Variants in RILPL1 observed in about 807,000 individuals in gnomAD.
The protein encoded by RILPL1 is RILP-like protein 1.
A neutral mutation model predicts 50.3 loss-of-function variants in RILPL1; 33 were observed. The observed-to-expected ratio is 0.66, with a 90% CI of 0.50 to 0.88. RILPL1 has a LOEUF of 0.88. RILPL1 is among the 40% of genes least tolerant of loss of function. The probability of loss-of-function intolerance (pLI) is 0.00; values close to 1 mark genes in which losing one functional copy is unlikely to be tolerated. For synonymous variants in RILPL1, 205 were observed against 228.6 expected (o/e 0.90, Z 0.93); for missense variants, 418 against 542.5 (o/e 0.77, Z 2.28).
Position 123,499,447 on chromosome 12 carries a change from G to T in RILPL1, c.550C>A (p.Leu184Met), listed in dbSNP as rs11497309. The change falls in exon 3 of 7, where the codon CTG becomes ATG. Residue 184 changes from leucine (L) to methionine (M), a missense_variant. By Grantham distance (15) the Leu-to-Met change is conservative. Transcript: ENST00000376874. ...TCAACGTCCTCATTTTTCAGGCCCA[G>T]CTCCCTGTCCTTGGCGCGGATCTCG... The part of the protein sequence containing the change: ...RDEIRAKDRE[L>M]GLKNEDVEAL... 1.3e-5 allele frequency: 21 copies of T among 1,613,812 alleles called. No homozygotes were observed. The highest frequency in any genetic ancestry group is 1.7e-5 in the Non-Finnish European group (20 of 1,179,780).
chr12:123,487,549 C>T (rs1488602145), intron 4 of RILPL1, among the ~76,000 whole-genome samples: 5 of 152,188 alleles, frequency 3.3e-5, no homozygotes, highest in Non-Finnish European at 5.9e-5. Context: ...TCAGGTGATC[C>T]ACCCACCTCA....
At position 123,491,633 on chromosome 12, in the gene RILPL1, GC is replaced by G. The variant is rs1882692212; in HGVS notation, c.802-5829del. On this transcript the variant is annotated intron_variant, in intron 4 of 6. Coordinates refer to ENST00000376874, the MANE Select transcript of RILPL1 (RefSeq NM_178314.5). The surrounding 1 kb of genome is among the most constrained non-coding windows in gnomAD (Gnocchi z 4.0). Reference sequence around the variant, plus strand: ...TAAATTCAATGCATAAATTCTGCCCGCCTTTCAGCCAGCATACGCCTGTCTG... The same window carrying G: ...TAAATTCAATGCATAAATTCTGCCCGCTTTCAGCCAGCATACGCCTGTCTG... 6.6e-6 allele frequency among the ~76,000 whole-genome samples: 1 copy of G among 152,200 alleles called. No individual in the cohort carries two copies.
At chr12:123,524,659 A>G (rs1213017637) in intron 1 of RILPL1, among the ~76,000 whole-genome samples, 1 of 152,234 alleles carries the variant, frequency 6.6e-6, no homozygotes, top group Admixed American at 6.5e-5. Flanking sequence ...CATTATGGAA[A>G]GAAGCCAGAC....
At chr12:123,526,200 G>A (rs756126559) in intron 1 of RILPL1, among the ~76,000 whole-genome samples, 37 of 152,026 alleles carry the variant, frequency 2.4e-4, no homozygotes, top group Non-Finnish European at 2.4e-4. Flanking sequence ...CCGCTACTTG[G>A]GAAGCTGAGC....
At position 123,509,141 on chromosome 12, in the gene RILPL1, C is replaced by CAACA. The variant is rs142348336; in HGVS notation, c.461-9609_461-9606dup. 2.6e-4 allele frequency among the ~76,000 whole-genome samples: 39 copies of CAACA among 151,240 alleles called. 1 individual carries two copies. The highest frequency in any genetic ancestry group is 3.5e-3 in the Middle Eastern group (1 of 286). On this transcript the variant is annotated intron_variant, in intron 2 of 6. Transcript: ENST00000376874. Reference sequence around the variant, plus strand: ...AGGAGAGTGAGACTCCGTCTCAAAACAACAAACAAACAAACAAACAAACAA... The same window carrying CAACA: ...AGGAGAGTGAGACTCCGTCTCAAAACAACAAACAAACAAACAAACAAACAAACAA...
chr12:123,491,182 C>A lies in RILPL1; in HGVS notation c.802-5377G>T, dbSNP rs1217013187. On this transcript the variant is annotated intron_variant, in intron 4 of 6. Coordinates refer to ENST00000376874, the MANE Select transcript of RILPL1 (RefSeq NM_178314.5). The surrounding 1 kb of genome is among the most constrained non-coding windows in gnomAD (Gnocchi z 4.0). ...CTATCCGGTTCAGACTGGGAGGGAC[C>A]AAGGAGGCTCTTTCCAAGATGGCAA... 1.3e-5 allele frequency among the ~76,000 whole-genome samples: 2 copies of A among 152,196 alleles called. No homozygotes were observed. Among genetic ancestry groups the A allele is most frequent in the Non-Finnish European group, 1.5e-5 (1 of 68,038 alleles).
chr12:123,523,381 T>C (rs1593605620), intron 2 of RILPL1, 114 bp downstream of exon 2: 3 of 1,248,696 alleles, frequency 2.4e-6, no homozygotes, highest in Non-Finnish European at 2.3e-6. Context: ...GCAAAGGGCT[T>C]TGGGAATCAG....
chr12:123,523,854 T>C (rs1885156632), intron 1 of RILPL1, among the ~76,000 whole-genome samples: 1 of 152,240 alleles, frequency 6.6e-6, no homozygotes, highest in Admixed American at 6.5e-5. Context: ...CCTGCGTTTA[T>C]GCTGTTAGGA....
intron 1 of RILPL1, among the ~76,000 whole-genome samples, chr12:123,528,975 G>C (rs1885360006): frequency 1.3e-5 from 2 of 151,968 alleles, no homozygotes; most frequent in South Asian, 4.2e-4. Flanking sequence ...CCTCATCTGA[G>C]CCTACAAGCC....
rs1406420378 is a variant in RILPL1, at chr12:123,470,828, T to A, written c.*1710A>T. On this transcript the variant is annotated 3_prime_UTR_variant, in exon 7 of 7. Coordinates refer to ENST00000376874, the MANE Select transcript of RILPL1 (RefSeq NM_178314.5). ...TGTTTAGGAAAGATAACCAAGAAAC[T>A]GGCAATTTTGGTTACCTGTTGGAAG... The A allele has an allele frequency of 6.6e-6, 1 of 152,092 alleles. No homozygotes were observed. The highest frequency in any genetic ancestry group is 6.6e-5 in the Admixed American group (1 of 15,248). 9.4% of individuals were successfully genotyped at this position (152,092 alleles called of 1,614,324 possible).
At position 123,472,569 on chromosome 12, in the gene RILPL1, T is replaced by G; in HGVS notation, c.1181A>C (p.Glu394Ala). 1 of 1,553,756 alleles carries G rather than the reference T, an allele frequency of 6.4e-7. No individual in the cohort carries two copies. The highest frequency in any genetic ancestry group is 8.7e-7 in the Non-Finnish European group (1 of 1,148,064). ...ANTHRDDGYT[E>A]QGQEALQHL Reference sequence around the variant, plus strand: ...ATGCTGCAGGGCTTCCTGTCCTTGCTCTGTGTAACCGTCATCGCGGTGGGT... The same window carrying G: ...ATGCTGCAGGGCTTCCTGTCCTTGCGCTGTGTAACCGTCATCGCGGTGGGT... The change falls in exon 7 of 7, where the codon GAG becomes GCG. Residue 394 changes from glutamate to alanine, a missense_variant. Physicochemically the swap from Glu to Ala is moderately radical, Grantham distance 107 (BLOSUM62 -1). Coordinates refer to ENST00000376874, the MANE Select transcript of RILPL1 (RefSeq NM_178314.5).
intron 2 of RILPL1, among the ~76,000 whole-genome samples, chr12:123,501,610 A>G (rs1470125684): frequency 6.6e-6 from 1 of 150,844 alleles, no homozygotes; most frequent in Non-Finnish European, 1.5e-5. Context: ...AAATACAAAA[A>G]TTAGCTAGCC....
intron 1 of RILPL1, among the ~76,000 whole-genome samples, chr12:123,532,449 C>A (rs1885466721): frequency 6.6e-6 from 1 of 152,140 alleles, no homozygotes; most frequent in African/African-American, 2.4e-5. Flanking sequence ...GACACGGGGG[C>A]TGGGACTCTC....
intron 6 of RILPL1, chr12:123,472,958 T>C (rs2139299957): frequency 2.8e-6 from 1 of 361,646 alleles, no homozygotes; most frequent in South Asian, 3.8e-5. Flanking sequence ...TTAGCCGCTA[T>C]GGAGGATTTA....
At chr12:123,473,873 C>T (rs988403146) in intron 6 of RILPL1, 2 of 151,550 alleles carry the variant, frequency 1.3e-5, no homozygotes, top group African/African-American at 4.8e-5. Flanking sequence ...AAAAAGCCTG[C>T]AAGGTAGTCC....
rs1342508247 is a variant in RILPL1, at chr12:123,491,998, C to A, written c.802-6193G>T. ...CTCCAGCCTGGGTGATGGAGTGAGA[C>A]CCTGACTCAAAATAAATAAATAAAT... On this transcript the variant is annotated intron_variant, in intron 4 of 6. Coordinates refer to ENST00000376874, the MANE Select transcript of RILPL1 (RefSeq NM_178314.5). This position sits in a 1 kb window ranked among gnomAD's most constrained non-coding sequence, Gnocchi z 4.0. Among the ~76,000 whole-genome samples, 3 of 151,622 alleles carry A rather than the reference C, an allele frequency of 2.0e-5. No homozygotes were observed. The highest frequency in any genetic ancestry group is 4.4e-5 in the Non-Finnish European group (3 of 67,986).
chr12:123,485,944 C>T lies in RILPL1; in HGVS notation c.802-139G>A, dbSNP rs966237701. The T allele has an allele frequency of 3.3e-5, 26 of 799,712 alleles. No homozygotes were observed. Among genetic ancestry groups the T allele is most frequent in the South Asian group, 1.4e-4 (7 of 48,930 alleles). 49.5% of individuals were successfully genotyped at this position (799,712 alleles called of 1,614,324 possible). Reference sequence around the variant, plus strand: ...GGGTGCTATTTTCAGCACTCGCAGGCGGCCCTTGCTCACGTTCTGTACAGT... The same window carrying T: ...GGGTGCTATTTTCAGCACTCGCAGGTGGCCCTTGCTCACGTTCTGTACAGT... On this transcript the variant is annotated intron_variant, in intron 4 of 6. Coordinates refer to ENST00000376874, the MANE Select transcript of RILPL1 (RefSeq NM_178314.5). This position sits in a 1 kb window ranked among gnomAD's most constrained non-coding sequence, Gnocchi z 4.0.
At position 123,472,668 on chromosome 12, in the gene RILPL1, GAGA is replaced by G; in HGVS notation, c.1079_1081del (p.Phe360del). On this transcript the variant is annotated inframe_deletion, in exon 7 of 7. Transcript: ENST00000376874. ...GTTGGCCAGGCGCTTCTTATCTCGG[GAGA>G]AGAAGCTAAACCTTTGGAAGGGAAA... is the stretch of plus-strand genomic sequence containing the variant. 1 of 1,598,366 alleles carries G rather than the reference GAGA, an allele frequency of 6.3e-7. No individual in the cohort carries two copies. Among genetic ancestry groups the G allele is most frequent in the Non-Finnish European group, 8.5e-7 (1 of 1,172,390 alleles).
At chr12:123,511,936 A>G (rs1368808362) in intron 2 of RILPL1, among the ~76,000 whole-genome samples, 2 of 38,010 alleles carry the variant, frequency 5.3e-5, no homozygotes, top group Admixed American at 3.5e-4. Context: ...GTGGTGTGTG[A>G]GGTTTGTGTG....
Sources: allele counts gnomAD v4.1 joint callset (sites outside exome capture counted in the v4.1 genomes callset), GRCh38; gene constraint gnomAD v4.1.1; non-coding constraint Gnocchi (gnomAD v3.1); transcripts MANE v1.5; gene names NCBI Gene and HGNC (gene_info 2026-07-23, HGNC 2026-07-21).